CAPN7: variants seen among roughly 807,000 people sequenced by gnomAD.
CAPN7 encodes calpain 7.
CAPN7 carries 72 observed loss-of-function variants against 115.2 expected under a neutral mutation model. The ratio of observed to expected loss-of-function variants is 0.63; its 90% CI spans 0.52 to 0.76. The LOEUF (loss-of-function observed/expected upper bound fraction) is 0.76. CAPN7 is among the 30% of genes least tolerant of loss of function. The pLI, the probability that CAPN7 is intolerant of heterozygous loss-of-function variation, is 0.00. For synonymous variants in CAPN7, 344 were observed against 322.3 expected (o/e 1.07, Z -0.72); for missense variants, 905 against 971.5 (o/e 0.93, Z 0.91).
intron 1 of CAPN7, among the ~76,000 whole-genome samples, chr3:15,209,988 G>A (rs73142930): frequency 0.12 from 18,959 of 152,096 alleles, 3,946 homozygotes; most frequent in African/African-American, 0.43. Flanking sequence ...GACACCAGCA[G>A]TTTTTTAAAT....
intron 7 of CAPN7, among the ~76,000 whole-genome samples, 168 bp downstream of exon 7, chr3:15,228,133 A>G (rs941863172): frequency 2.0e-5 from 3 of 152,204 alleles, no homozygotes; most frequent in African/African-American, 7.2e-5. Context: ...GAGATAATAT[A>G]AGTATAAATC....
intron 2 of CAPN7, among the ~76,000 whole-genome samples, chr3:15,212,663 A>T (rs1295037255): frequency 6.6e-6 from 1 of 152,184 alleles, no homozygotes; most frequent in Non-Finnish European, 1.5e-5. Flanking sequence ...CTTTAAAACC[A>T]TATCTTGGGA....
In CAPN7 at chr3:15,251,574, A is replaced by G. The variant is rs886220075; in HGVS notation, c.*314A>G. On this transcript the variant is annotated 3_prime_UTR_variant, in exon 21 of 21. Transcript: ENST00000253693. ...TCATCACTGTGAGATGCCTTTGCTA[A>G]GAGGATAAAGGAACTGAGACCAGAT... 5.2e-6 allele frequency: 1 copy of G among 191,358 alleles called. No homozygotes were observed. Among genetic ancestry groups the G allele is most frequent in the Non-Finnish European group, 1.1e-5 (1 of 94,222 alleles). The allele number at this position is 191,358 out of a possible 1,614,324, so 11.9% of individuals were successfully genotyped here. A position where few individuals can be genotyped will look rare whatever the true frequency, so the allele number is the denominator to read the frequency against.
At position 15,223,530 on chromosome 3, in the gene CAPN7, A is replaced by G; in HGVS notation, c.694A>G (p.Arg232Gly). The change falls in exon 6 of 21, where the codon AGA becomes GGA. Residue 232 changes from arginine to glycine, a missense_variant. This residue lies in a region of CAPN7 where 620 missense variants were observed against 703.4 expected (regional missense o/e 0.88). Coordinates refer to ENST00000253693, the MANE Select transcript of CAPN7 (RefSeq NM_014296.3). ...EYVPFMNVDL[R>G]ERFAYPMPFC... ...TGTTCCTTTCATGAATGTTGACCTG[A>G]GAGAACGTTTTGCCTATCCAATGCC... 6.2e-7 allele frequency: 1 copy of G among 1,607,236 alleles called. No homozygotes were observed. The highest frequency in any genetic ancestry group is 8.5e-7 in the Non-Finnish European group (1 of 1,176,890).
chr3:15,206,331 C>A lies in CAPN7; in HGVS notation c.-165C>A, dbSNP rs1374754009. 1.8e-6 allele frequency: 1 copy of A among 558,470 alleles called. No homozygotes were observed. The highest frequency in any genetic ancestry group is 2.0e-5 in the African/African-American group (1 of 49,556). 34.6% of individuals were successfully genotyped at this position (558,470 alleles called of 1,614,324 possible). On this transcript the variant is annotated 5_prime_UTR_variant, in exon 1 of 21. Transcript: ENST00000253693. ...AGGGGCGCGGCTTCGCGGTGGACCC[C>A]AGCCCGGCAACGGGAAGGCGAGCTC...
chr3:15,218,517 G>T lies in CAPN7; in HGVS notation c.414G>T (p.Gln138His). 1 of 1,613,520 alleles carries T rather than the reference G, an allele frequency of 6.2e-7. No homozygotes were observed. Among genetic ancestry groups the T allele is most frequent in the Non-Finnish European group, 8.5e-7 (1 of 1,179,472 alleles). Residue 138 changes from glutamine to histidine, a missense_variant, in exon 4 of 21, where the codon CAG (glutamine) becomes CAT (histidine). Physicochemically the swap from Gln to His is conservative, Grantham distance 24. This residue lies in a region of CAPN7 where 271 missense variants were observed against 239.6 expected (regional missense o/e 1.13). Transcript: ENST00000253693. ...ADKVLQNKLKQLARQALDRAE... is the reference protein window; with the variant it reads ...ADKVLQNKLKHLARQALDRAE... The stretch of plus-strand genomic sequence containing the variant: ...AAGTCCTGCAAAATAAACTGAAACA[G>T]TTGGCTCGACAGGCACTAGACAGGT...
chr3:15,237,027 GT>G (rs1695032334), intron 12 of CAPN7, among the ~76,000 whole-genome samples: 1 of 152,126 alleles, frequency 6.6e-6, no homozygotes, highest in Non-Finnish European at 1.5e-5. Flanking sequence ...ATCAGTGGTG[GT>G]TGTATACCAA....
intron 4 of CAPN7, 77 bp from the exon 5 acceptor site, chr3:15,220,704 C>T: frequency 7.6e-7 from 1 of 1,307,372 alleles, no homozygotes; most frequent in Non-Finnish European, 1.1e-6. Flanking sequence ...ACTGGTTCTT[C>T]AAGTAAATTT....
Position 15,235,037 on chromosome 3 carries a change from A to AG in CAPN7, c.1300dup (p.Asp434GlyfsTer15). ...GGGTTCATTCCAGATTTCACAAAGG[A>AG]GATGTCCTCATCACTGCGTCAACTG... On this transcript the variant is annotated frameshift_variant, in exon 12 of 21. Coordinates refer to ENST00000253693, the MANE Select transcript of CAPN7 (RefSeq NM_014296.3). LOFTEE classifies it high-confidence loss of function. The AG allele has an allele frequency of 6.2e-7, 1 of 1,610,500 alleles. No homozygotes were observed. Among genetic ancestry groups the AG allele is most frequent in the Non-Finnish European group, 8.5e-7 (1 of 1,178,900 alleles).
intron 17 of CAPN7, chr3:15,246,260 G>A (rs1440667506): frequency 6.4e-6 from 1 of 155,616 alleles, no homozygotes; most frequent in African/African-American, 2.4e-5. Flanking sequence ...TTTAAAGCAA[G>A]CAATAAAAAC....
intron 9 of CAPN7, among the ~76,000 whole-genome samples, chr3:15,231,198 C>G (rs992817193): frequency 2.0e-5 from 3 of 152,132 alleles, no homozygotes; most frequent in Admixed American, 2.0e-4. Context: ...CAGTAATACT[C>G]AAATTTTAGT....
intron 18 of CAPN7, 60 bp from the exon 19 acceptor site, chr3:15,247,267 T>C: frequency 8.0e-7 from 1 of 1,245,448 alleles, no homozygotes; most frequent in Non-Finnish European, 1.1e-6. Context: ...AAAGGAGTTT[T>C]GTCTTTAAGT....
chr3:15,214,770 T>G (rs1349102805), intron 2 of CAPN7, among the ~76,000 whole-genome samples: 2 of 152,214 alleles, frequency 1.3e-5, no homozygotes, highest in Non-Finnish European at 2.9e-5. Flanking sequence ...GACTTGGAAT[T>G]AAAAGATCCC....
At chr3:15,227,093 T>C (rs1694363266) in intron 6 of CAPN7, among the ~76,000 whole-genome samples, 1 of 144,040 alleles carries the variant, frequency 6.9e-6, no homozygotes, top group Non-Finnish European at 1.5e-5. Flanking sequence ...GGGCAACATA[T>C]GGAGACCTCA....
intron 5 of CAPN7, among the ~76,000 whole-genome samples, chr3:15,223,079 C>T (rs117923996): frequency 9.5e-4 from 144 of 152,312 alleles, no homozygotes; most frequent in East Asian, 4.4e-3. Flanking sequence ...TTCATGTCCT[C>T]ATAACCAGAA....
At chr3:15,226,011 G>A (rs1020633685) in intron 6 of CAPN7, among the ~76,000 whole-genome samples, 1 of 151,972 alleles carries the variant, frequency 6.6e-6, no homozygotes, top group African/African-American at 2.4e-5. Flanking sequence ...GTTTCTATTC[G>A]GTCGTGTATT....
Position 15,217,478 on chromosome 3 carries a change from C to T in CAPN7, c.265C>T (p.Arg89Cys), listed in dbSNP as rs750054944. 7 of 1,613,350 alleles carry T rather than the reference C, an allele frequency of 4.3e-6. No individual in the cohort carries two copies. Among genetic ancestry groups the T allele is most frequent in the Middle Eastern group, 1.6e-4 (1 of 6,076 alleles). The change falls in exon 3 of 21, where the codon CGT becomes TGT. Residue 89 changes from arginine to cysteine, a missense_variant. Coordinates refer to ENST00000253693, the MANE Select transcript of CAPN7 (RefSeq NM_014296.3). ...LKSKHQLDLE[R>C]AHFLVTQAFD... is the part of the protein sequence containing the mutation. ...GTCAAAACATCAGTTGGACTTAGAGCGTGCTCATTTCCTTGTTACACAAGC... is the reference window on the plus strand; with the variant it reads ...GTCAAAACATCAGTTGGACTTAGAGTGTGCTCATTTCCTTGTTACACAAGC...
rs940059594 is a variant in CAPN7 at position 15,223,655 on chromosome 3, TAAAA to T, written c.725+98_725+101del. ...ATAGCCTTGAAATTAAAATTTGTAA[TAAAA>T]AAATTTGTTGGAATAGAGGGGTGGC... On this transcript the variant is annotated intron_variant, in intron 6 of 20. Coordinates refer to ENST00000253693, the MANE Select transcript of CAPN7 (RefSeq NM_014296.3). The T allele has an allele frequency of 3.4e-5, 27 of 796,056 alleles. No homozygotes were observed. The African/African-American group carries it at 4.0e-4, about 12-fold the overall frequency. The allele number at this position is 796,056 out of a possible 1,614,324, so 49.3% of individuals were successfully genotyped here.
At chr3:15,210,817 T>G in intron 1 of CAPN7, 1 of 1,289,582 alleles carries the variant, frequency 7.8e-7, no homozygotes, top group Non-Finnish European at 1.0e-6. Context: ...GTGAAACAAC[T>G]CCTGCTCAAA....
Sources: gnomAD v4.1 joint callset for allele counts (sites outside exome capture counted in the v4.1 genomes callset) on GRCh38, gnomAD v4.1.1 for gene constraint, gnomAD v4.1.1 regional missense constraint, MANE v1.5 for transcripts, NCBI Gene and HGNC (gene_info 2026-07-23, HGNC 2026-07-21) for gene names.